Variants in SYN2 observed in about 807,000 individuals in gnomAD.
The protein encoded by SYN2 is synapsin II.
A neutral mutation model predicts 50.9 loss-of-function variants in SYN2; 19 were observed. The ratio of observed to expected loss-of-function variants is 0.37; its 90% CI spans 0.26 to 0.55. The LOEUF (loss-of-function observed/expected upper bound fraction) is 0.55. SYN2 is among the 20% of genes least tolerant of loss of function. The pLI is 0.81. For missense variants in SYN2, 587 were observed against 576.4 expected, an observed-to-expected ratio of 1.02 and a Z score of -0.19; for synonymous variants, 255 against 224.9, an observed-to-expected ratio of 1.13 and a Z score of -1.20.
rs1242868888 is a variant in SYN2, at chr3:12,029,170, A to G, written c.377+24242A>G. ...ATTGCTTGTTTTTCTCAGGTTTGTC[A>G]AAGATCAGATAGTTGTAGGTATGCG... On this transcript the variant is annotated intron_variant, in intron 1 of 12. Coordinates refer to ENST00000621198, the MANE Select transcript of SYN2 (RefSeq NM_133625.6). Among the ~76,000 whole-genome samples, 2 of 114,796 alleles carry G rather than the reference A, an allele frequency of 1.7e-5. 1 individual carries two copies. 75.3% of individuals were successfully genotyped at this position (114,796 alleles called of 152,430 possible).
chr3:12,096,228 G>T (rs1695930163), intron 1 of SYN2, among the ~76,000 whole-genome samples: 1 of 152,172 alleles, frequency 6.6e-6, no homozygotes, highest in Non-Finnish European at 1.5e-5. Flanking sequence ...TTTCAGCCTT[G>T]CTTTCCTATA....
At chr3:12,142,121 T>G in intron 3 of SYN2, 125 bp downstream of exon 3, 1 of 625,234 alleles carries the variant, frequency 1.6e-6, no homozygotes, top group Non-Finnish European at 2.9e-6. Context: ...GTATACAGAA[T>G]TTAATGATGT....
At chr3:12,174,386 C>A (rs192011487) in intron 10 of SYN2, among the ~76,000 whole-genome samples, 7 of 152,152 alleles carry the variant, frequency 4.6e-5, no homozygotes, top group Non-Finnish European at 1.0e-4. Flanking sequence ...CTGCCTCTTT[C>A]CCTTGTACTA....
chr3:12,040,493 C>T (rs1033677271), intron 1 of SYN2, among the ~76,000 whole-genome samples: 14 of 136,796 alleles, frequency 1.0e-4, no homozygotes, highest in East Asian at 2.2e-4. Context: ...AGTGCGGTGG[C>T]GTGATCTCGG....
chr3:12,157,925 T>A (rs188317301), intron 5 of SYN2, among the ~76,000 whole-genome samples: 5 of 152,366 alleles, frequency 3.3e-5, no homozygotes, highest in Non-Finnish European at 7.3e-5. Context: ...GTTCTGACCC[T>A]GCACTGAGGT....
chr3:12,044,818 A>G (rs1694700186), intron 1 of SYN2, among the ~76,000 whole-genome samples: 1 of 152,232 alleles, frequency 6.6e-6, no homozygotes. Flanking sequence ...GGACTTCAGA[A>G]CCAGAGAGAT....
chr3:12,046,640 C>A (rs568227871), intron 1 of SYN2, among the ~76,000 whole-genome samples: 1 of 151,692 alleles, frequency 6.6e-6, no homozygotes, highest in Admixed American at 6.6e-5. Flanking sequence ...AGTGGATGTT[C>A]GGAAATTATT....
Position 12,191,050 on chromosome 3 carries a change from A to G in SYN2, c.*425A>G, listed in dbSNP as rs1194202450. On this transcript the variant is annotated 3_prime_UTR_variant, in exon 13 of 13. Transcript: ENST00000621198. Reference sequence around the variant, plus strand: ...ATTCAGTGATACCTGTTTGGGAAGTATATACTTCCCCAAAAGTACTCTTGG... The same window carrying G: ...ATTCAGTGATACCTGTTTGGGAAGTGTATACTTCCCCAAAAGTACTCTTGG... The G allele has an allele frequency of 4.9e-5, 48 of 989,608 alleles. No homozygotes were observed. The highest frequency in any genetic ancestry group is 5.5e-5 in the Non-Finnish European group (46 of 833,026). 61.3% of individuals were successfully genotyped at this position (989,608 alleles called of 1,614,324 possible).
intron 3 of SYN2, 111 bp downstream of exon 3, chr3:12,142,107 T>G (rs1424637601): frequency 3.0e-6 from 2 of 676,310 alleles, no homozygotes; most frequent in Non-Finnish European, 5.4e-6. Context: ...CAGTGCTATG[T>G]ATGGTATACA....
intron 4 of SYN2, among the ~76,000 whole-genome samples, chr3:12,147,918 CCTAA>C: frequency 6.6e-6 from 1 of 152,094 alleles, no homozygotes; most frequent in Middle Eastern, 3.4e-3. Flanking sequence ...TCAAGACCAT[CCTAA>C]CTAACACAGA....
At chr3:12,137,755 A>G (rs1696927191) in intron 1 of SYN2, among the ~76,000 whole-genome samples, 1 of 152,228 alleles carries the variant, frequency 6.6e-6, no homozygotes, top group Non-Finnish European at 1.5e-5. Flanking sequence ...TTTGAAGCAT[A>G]TATGTATGCA....
chr3:12,009,875 C>T (rs1693880054), intron 1 of SYN2, among the ~76,000 whole-genome samples: 1 of 152,116 alleles, frequency 6.6e-6, no homozygotes, highest in African/African-American at 2.4e-5. Context: ...CCGAGGTAGG[C>T]AGGTTGCCTG....
At chr3:12,071,438 T>C in intron 1 of SYN2, 1 of 517,414 alleles carries the variant, frequency 1.9e-6, no homozygotes. Context: ...GGCAAATGCA[T>C]ACACTTCATG....
Position 12,004,897 on chromosome 3 carries a change from C to T in SYN2, c.346C>T (p.Leu116=), listed in dbSNP as rs1693760706. Residue 116 remains leucine, a synonymous_variant, in exon 1 of 13, where the codon CTG becomes TTG. Transcript: ENST00000621198. ...APAAARKAKV[L]LVVDEPHADW... ...CGCAGCCGCCAGGAAGGCCAAGGTG[C>T]TGCTGGTGGTCGACGAGCCGCACGC... 1.7e-6 allele frequency: 1 copy of T among 584,092 alleles called. No homozygotes were observed. Among genetic ancestry groups the T allele is most frequent in the Non-Finnish European group, 3.1e-6 (1 of 326,582 alleles). 36.2% of individuals were successfully genotyped at this position (584,092 alleles called of 1,614,324 possible). A position where few individuals can be genotyped will look rare whatever the true frequency, so the allele number is the denominator to read the frequency against.
chr3:12,190,544 G>T lies in SYN2; in HGVS notation c.1668G>T (p.Arg556=). ...GCTTCTCTGAGTCCTCCTTCTTCCG[G>T]TCTTCAGCCAATGAGGATGAAGCCA... ...AFSFSESSFF[R]SSANEDEAKA... Residue 556 remains arginine (R), a synonymous_variant, in exon 13 of 13, where the codon CGG becomes CGT. Coordinates refer to ENST00000621198, the MANE Select transcript of SYN2 (RefSeq NM_133625.6). The T allele has an allele frequency of 6.2e-7, 1 of 1,613,592 alleles. No homozygotes were observed. The highest frequency in any genetic ancestry group is 8.5e-7 in the Non-Finnish European group (1 of 1,179,700).
Position 12,033,051 on chromosome 3 carries a change from G to A in SYN2, c.377+28123G>A, listed in dbSNP as rs1243760066. On this transcript the variant is annotated intron_variant, in intron 1 of 12. Coordinates refer to ENST00000621198, the MANE Select transcript of SYN2 (RefSeq NM_133625.6). Reference sequence around the variant, plus strand: ...TCTTTGATGATGGTGATGTACAGATGGGTTTTCGGTGTGGATGTCCTTTCT... The same window carrying A: ...TCTTTGATGATGGTGATGTACAGATAGGTTTTCGGTGTGGATGTCCTTTCT... 4.7e-5 allele frequency among the ~76,000 whole-genome samples: 7 copies of A among 147,500 alleles called. No homozygotes were observed. In the Admixed American group the frequency reaches 4.8e-4, roughly 10 times the overall value.
At chr3:12,180,802 G>A (rs761034666) in intron 10 of SYN2, among the ~76,000 whole-genome samples, 2 of 152,198 alleles carry the variant, frequency 1.3e-5, no homozygotes, top group East Asian at 1.9e-4. Flanking sequence ...TAGTTCATCC[G>A]TGGGTGTCTT....
chr3:12,106,529 T>C (rs949049551), intron 1 of SYN2, among the ~76,000 whole-genome samples: 7 of 152,180 alleles, frequency 4.6e-5, no homozygotes, highest in Non-Finnish European at 4.4e-5. Context: ...GGTTAGTGCC[T>C]GCCACATCAT....
chr3:12,071,161 A>G (rs1379599828), intron 1 of SYN2: 2 of 553,608 alleles, frequency 3.6e-6, no homozygotes, highest in Non-Finnish European at 7.3e-6. Flanking sequence ...GTACCCGGGC[A>G]TCACCAACAG....
Sources: gnomAD v4.1 joint callset for allele counts (sites outside exome capture counted in the v4.1 genomes callset) on GRCh38, gnomAD v4.1.1 for gene constraint, MANE v1.5 for transcripts, NCBI Gene and HGNC (gene_info 2026-07-23, HGNC 2026-07-21) for gene names.